PUDP: variants seen among roughly 807,000 people sequenced by gnomAD.
The protein encoded by PUDP is pseudouridine-5'-phosphatase.
In PUDP, 8 loss-of-function variants were observed where a neutral mutation model predicts 9.4. That is an observed-to-expected ratio of 0.85 (90% CI 0.50 to 1.53). The LOEUF is 1.53. Among genes scored for constraint, PUDP ranks in the 40% most tolerant of loss-of-function variants. The probability of loss-of-function intolerance (pLI) is 0.00; values close to 1 mark genes in which losing one functional copy is unlikely to be tolerated. For synonymous variants in PUDP, 99 were observed against 80.7 expected, an observed-to-expected ratio of 1.23 and a Z score of -1.22; for missense variants, 188 against 189.7, an observed-to-expected ratio of 0.99 and a Z score of 0.05.
At chrX:6,741,218 T>TAGA (rs1924932579) in intron 3 of PUDP, among the ~76,000 whole-genome samples, 2 of 110,896 alleles carry the variant, frequency 1.8e-5, no homozygotes, top group Non-Finnish European at 3.8e-5. Flanking sequence ...AAGTCTTAGT[T>TAGA]TTCCTCTGCA....
chrX:7,122,220 T>C (rs1932362926), intron 1 of PUDP, among the ~76,000 whole-genome samples: 1 of 25,327 alleles, frequency 3.9e-5, no homozygotes, highest in African/African-American at 1.8e-4. Context: ...CATATATGTG[T>C]GTGTGTGTGT....
intron 3 of PUDP, among the ~76,000 whole-genome samples, chrX:7,072,724 G>T (rs1357463520): frequency 3.9e-5 from 4 of 103,332 alleles, no homozygotes; most frequent in African/African-American, 1.1e-4. Flanking sequence ...TGAGACAGGA[G>T]AATCACTTGA....
chrX:7,011,996 C>G lies in PUDP; in HGVS notation c.205-33653G>C, dbSNP rs191655459. Among the ~76,000 whole-genome samples the G allele has an allele frequency of 4.5e-3, 508 of 112,358 alleles. 1 individual carries two copies. Among genetic ancestry groups the G allele is most frequent in the Middle Eastern group, 9.2e-3 (2 of 217 alleles). Reference sequence around the variant, plus strand: ...ATACTACAACATCAAGGAACTGTATCAGTTGGAGAATAGAAGTGTGTATGA... The same window carrying G: ...ATACTACAACATCAAGGAACTGTATGAGTTGGAGAATAGAAGTGTGTATGA... On this transcript the variant is annotated intron_variant and NMD_transcript_variant, in intron 1 of 3. Transcript: ENST00000655425.
chrX:7,033,868 G>T (rs1194586583), intron 1 of PUDP, among the ~76,000 whole-genome samples: 1 of 111,951 alleles, frequency 8.9e-6, no homozygotes. Flanking sequence ...CCAGTAGATT[G>T]ATAGAAGACA....
intron 1 of PUDP, among the ~76,000 whole-genome samples, chrX:7,142,871 G>A (rs1457757120): frequency 1.8e-5 from 2 of 110,469 alleles, no homozygotes; most frequent in Non-Finnish European, 3.8e-5. Context: ...GACTGGTCTC[G>A]AACTCCTGAC....
intron 3 of PUDP, among the ~76,000 whole-genome samples, chrX:6,731,264 G>A (rs1010789842): frequency 9.0e-6 from 1 of 111,090 alleles, no homozygotes; most frequent in African/African-American, 3.3e-5. Context: ...GTAGAGACAA[G>A]GTCTTGCTAT....
intron 1 of PUDP, among the ~76,000 whole-genome samples, chrX:6,986,185 G>A (rs1360033010): frequency 4.5e-5 from 5 of 112,044 alleles, no homozygotes; most frequent in Non-Finnish European, 9.4e-5. Flanking sequence ...AGCAGCCCTC[G>A]GGGCTGACCT....
intron 1 of PUDP, among the ~76,000 whole-genome samples, chrX:6,987,614 T>C (rs1300323249): frequency 3.6e-5 from 4 of 112,349 alleles, no homozygotes; most frequent in Non-Finnish European, 5.6e-5. Context: ...ACTATGCTCA[T>C]GGGCCAAATG....
At chrX:6,862,485 T>C (rs1441901106) in intron 3 of PUDP, among the ~76,000 whole-genome samples, 1 of 112,441 alleles carries the variant, frequency 8.9e-6, no homozygotes, top group African/African-American at 3.2e-5. Flanking sequence ...TCCAACAACT[T>C]TTTTTTCATG....
At chrX:6,917,767 T>G (rs1450524659) in intron 3 of PUDP, among the ~76,000 whole-genome samples, 2 of 112,030 alleles carry the variant, frequency 1.8e-5, no homozygotes, top group African/African-American at 6.5e-5. Flanking sequence ...ACTTTGCAAT[T>G]ATAAAAAGTC....
chrX:7,023,416 T>C (rs1281866171), intron 1 of PUDP, among the ~76,000 whole-genome samples: 4 of 112,242 alleles, frequency 3.6e-5, no homozygotes, highest in African/African-American at 1.3e-4. Flanking sequence ...TGAGATCATA[T>C]TTTTGGTCTC....
At chrX:7,113,340 G>A (rs1932104732) in intron 1 of PUDP, 1 of 113,481 alleles carries the variant, frequency 8.8e-6, no homozygotes. Flanking sequence ...ACGGTCTTAT[G>A]TGATGGTCAC....
intron 1 of PUDP, chrX:7,117,114 C>T (rs1327365665): frequency 1.9e-5 from 21 of 1,103,883 alleles, no homozygotes; most frequent in African/African-American, 1.7e-4. Flanking sequence ...AATGCAAGCA[C>T]GGCCTAATAC....
At chrX:6,975,277 T>C (rs977605813) in intron 3 of PUDP, among the ~76,000 whole-genome samples, 10 of 110,484 alleles carry the variant, frequency 9.1e-5, no homozygotes, top group African/African-American at 3.3e-4. Flanking sequence ...TGTGATCCTT[T>C]GGAGAAGAGG....
intron 3 of PUDP, among the ~76,000 whole-genome samples, chrX:6,836,046 A>G (rs1168988566): frequency 4.5e-5 from 5 of 111,241 alleles, no homozygotes; most frequent in Non-Finnish European, 7.5e-5. Context: ...TAGTAATAAT[A>G]CTATAATATT....
intron 1 of PUDP, among the ~76,000 whole-genome samples, chrX:7,040,582 G>A (rs1181450682): frequency 8.9e-6 from 1 of 112,259 alleles, no homozygotes; most frequent in South Asian, 3.7e-4. Flanking sequence ...GCGCCACTGA[G>A]TTTTCAAAGA....
At position 6,950,017 on chromosome X, in the gene PUDP, G is replaced by A. The variant is rs185464704; in HGVS notation, c.*247+27116C>T. ...TGCCCTGTCTCCAGTATGGCTGCTC[G>A]CTTCCAATAGAAAGAGTCTGGTAAA... On this transcript the variant is annotated intron_variant and NMD_transcript_variant, in intron 3 of 3. Transcript: ENST00000655425. Among the ~76,000 whole-genome samples the A allele has an allele frequency of 7.1e-3, 792 of 111,153 alleles. 12 individuals carry two copies. The highest frequency in any genetic ancestry group is 0.024 in the African/African-American group (744 of 30,579).
rs906367238 is a variant in PUDP, at chrX:6,852,628, CAGAA to C, written c.*247+124501_*247+124504del. On this transcript the variant is annotated intron_variant and NMD_transcript_variant, in intron 3 of 3. Transcript: ENST00000655425. ...TTCATTAAGCTCACGTCATTTTATT[CAGAA>C]AGAGAGAAAACAAGAGGTGATTTTT... is the stretch of plus-strand genomic sequence containing the variant. 1.1e-4 allele frequency among the ~76,000 whole-genome samples: 6 copies of C among 56,078 alleles called. No individual in the cohort carries two copies. The South Asian group carries it at 3.7e-3, about 34-fold the overall frequency. 48.7% of individuals were successfully genotyped at this position (56,078 alleles called of 115,157 possible). A position where few individuals can be genotyped will look rare whatever the true frequency, so the allele number is the denominator to read the frequency against.
intron 1 of PUDP, among the ~76,000 whole-genome samples, chrX:6,987,052 A>G (rs1929112212): frequency 1.8e-5 from 2 of 112,153 alleles, no homozygotes; most frequent in South Asian, 7.5e-4. Flanking sequence ...AGCCTGCTCC[A>G]GAGCAGTCAC....
Sources: allele counts gnomAD v4.1 joint callset (sites outside exome capture counted in the v4.1 genomes callset), GRCh38; gene constraint gnomAD v4.1.1; transcripts MANE v1.5; gene names NCBI Gene and HGNC (gene_info 2026-07-23, HGNC 2026-07-21).